Variants in PKHD1 observed in about 807,000 individuals in gnomAD.
The protein encoded by PKHD1 is PKHD1 ciliary IPT domain containing fibrocystin/polyductin.
PKHD1 carries 291 observed loss-of-function variants against 412.0 expected under a neutral mutation model. The observed-to-expected ratio is 0.71, with a 90% CI of 0.64 to 0.78. The LOEUF (loss-of-function observed/expected upper bound fraction) is 0.78. Ranked by LOEUF, PKHD1 falls within the 30% of genes least tolerant of loss-of-function variation. PKHD1 has a pLI of 0.00. For missense variants in PKHD1, 4,825 were observed against 4,950.7 expected (o/e 0.97, Z 0.76); for synonymous variants, 1,777 against 1,821.5 (o/e 0.98, Z 0.62).
intron 23 of PKHD1, among the ~76,000 whole-genome samples, chr6:52,046,650 T>C (rs1805890053): frequency 1.3e-5 from 2 of 152,254 alleles, no homozygotes; most frequent in African/African-American, 4.8e-5. Context: ...CCAGCCCAGC[T>C]GAGGAATGTT....
At chr6:52,057,617 A>G (rs1003597977) in intron 16 of PKHD1, among the ~76,000 whole-genome samples, 1 of 152,152 alleles carries the variant, frequency 6.6e-6, no homozygotes, top group African/African-American at 2.4e-5. Flanking sequence ...GGGTTTCATC[A>G]TGTTGGCCAG....
chr6:51,757,209 T>G (rs1249797333), intron 55 of PKHD1, among the ~76,000 whole-genome samples: 5 of 152,144 alleles, frequency 3.3e-5, no homozygotes, highest in African/African-American at 4.8e-5. Context: ...TGAATAAAGC[T>G]CTTCAAATAA....
intron 60 of PKHD1, among the ~76,000 whole-genome samples, chr6:51,718,339 T>C (rs1781507918): frequency 6.6e-6 from 1 of 152,210 alleles, no homozygotes; most frequent in Admixed American, 6.5e-5. Context: ...AGGGGTGGCG[T>C]TCTCCTGTGT....
intron 52 of PKHD1, among the ~76,000 whole-genome samples, chr6:51,828,357 T>C (rs998087460): frequency 1.3e-5 from 2 of 151,998 alleles, no homozygotes; most frequent in African/African-American, 2.4e-5. Context: ...AATCCACTTA[T>C]AGAGTGGTAG....
intron 52 of PKHD1, among the ~76,000 whole-genome samples, chr6:51,807,318 A>G (rs1187119177): frequency 6.6e-6 from 1 of 151,238 alleles, no homozygotes; most frequent in Non-Finnish European, 1.5e-5. Flanking sequence ...CATTCCTGTA[A>G]TCCCAGATAC....
chr6:52,025,750 T>C lies in PKHD1; in HGVS notation c.4060A>G (p.Ile1354Val), dbSNP rs1038011919. ...QGNVSLSGCS[I>V]PLHSLEAGIY... ...CCAGCCTCCAGACTGTGAAGAGGGA[T>C]GGAGCATCCAGACAGGCTCACGTTG... The change falls in exon 32 of 67, where the codon ATC (isoleucine) becomes GTC (valine). Residue 1354 changes from isoleucine to valine, a missense_variant. Transcript: ENST00000371117. 1.2e-6 allele frequency: 2 copies of C among 1,614,164 alleles called. No individual in the cohort carries two copies. Among genetic ancestry groups the C allele is most frequent in the South Asian group, 2.2e-5 (2 of 91,070 alleles).
chr6:51,627,226 G>T, intron 65 of PKHD1, 110 bp from the exon 66 acceptor site: 3 of 936,872 alleles, frequency 3.2e-6, no homozygotes, highest in Non-Finnish European at 5.2e-6. Flanking sequence ...TCATACACAT[G>T]CAACAGAAAG....
intron 5 of PKHD1, 133 bp from the exon 6 acceptor site, chr6:52,076,466 T>C (rs1033557142): frequency 4.2e-6 from 3 of 710,440 alleles, no homozygotes; most frequent in African/African-American, 3.5e-5. Flanking sequence ...CCCTCACATC[T>C]GTCTAGTTCT....
chr6:51,859,420 G>C (rs776710834), intron 48 of PKHD1, among the ~76,000 whole-genome samples: 23 of 151,324 alleles, frequency 1.5e-4, no homozygotes, highest in Non-Finnish European at 2.8e-4. Flanking sequence ...CAGCTACTCG[G>C]GAGGCTGAGG....
At chr6:51,731,359 T>C (rs10498790) in intron 60 of PKHD1, among the ~76,000 whole-genome samples, 28,709 of 152,110 alleles carry the variant, frequency 0.19, 3,048 homozygotes, top group African/African-American at 0.29. Flanking sequence ...AACACTGATA[T>C]TACTGCTTTT....
chr6:51,835,547 T>C (rs1392167711), intron 51 of PKHD1, among the ~76,000 whole-genome samples: 1 of 152,100 alleles, frequency 6.6e-6, no homozygotes, highest in Non-Finnish European at 1.5e-5. Context: ...TAAAAGGCAC[T>C]CAATAAACAA....
At chr6:51,794,596 T>C (rs1346847664) in intron 52 of PKHD1, among the ~76,000 whole-genome samples, 1 of 152,226 alleles carries the variant, frequency 6.6e-6, no homozygotes, top group Non-Finnish European at 1.5e-5. Flanking sequence ...TCTTCACCTG[T>C]GCCTTTGTCC....
intron 55 of PKHD1, among the ~76,000 whole-genome samples, chr6:51,758,868 A>T (rs1347032539): frequency 6.6e-6 from 1 of 152,194 alleles, no homozygotes. Flanking sequence ...TTGATTTAAA[A>T]GTTTTTACAA....
At chr6:52,027,755 C>T in intron 31 of PKHD1, 74 bp downstream of exon 31, 1 of 1,172,708 alleles carries the variant, frequency 8.5e-7, no homozygotes, top group Non-Finnish European at 1.3e-6. Flanking sequence ...GCAAATTAAT[C>T]CAGAAACAAA....
rs559654744 is a variant in PKHD1, at chr6:51,703,473, C to T, written c.10156+40912G>A. ...GCTCTAGTTAATGGAGAACTTCCCC[C>T]TAGCAGTCTCAAGCACTAAAATGAG... is the stretch of plus-strand genomic sequence containing the variant. On this transcript the variant is annotated intron_variant, in intron 60 of 66. Coordinates refer to ENST00000371117, the MANE Select transcript of PKHD1 (RefSeq NM_138694.4). Among the ~76,000 whole-genome samples, 148 of 151,958 alleles carry T rather than the reference C, an allele frequency of 9.7e-4. 1 individual carries two copies. Among genetic ancestry groups the T allele is most frequent in the African/African-American group, 3.4e-3 (140 of 41,494 alleles).
chr6:51,755,012 A>G (rs1786727594), intron 55 of PKHD1, 74 bp from the exon 56 acceptor site: 15 of 1,282,182 alleles, frequency 1.2e-5, no homozygotes, highest in Admixed American at 1.7e-5. Flanking sequence ...CAGAGCAAGA[A>G]AAGGAAATCC....
intron 60 of PKHD1, among the ~76,000 whole-genome samples, chr6:51,666,690 C>G (rs965981281): frequency 5.1e-5 from 6 of 118,498 alleles, no homozygotes; most frequent in Non-Finnish European, 8.4e-5. Context: ...GCTATCCCTC[C>G]CCCCTCCCCC....
At chr6:51,622,457 A>C (rs1461527060) in intron 66 of PKHD1, 1 of 152,206 alleles carries the variant, frequency 6.6e-6, no homozygotes, top group Non-Finnish European at 1.5e-5. Context: ...GATGAAAAAC[A>C]GATCAACCAA....
intron 35 of PKHD1, among the ~76,000 whole-genome samples, chr6:51,993,011 G>C (rs1442265317): frequency 6.6e-6 from 1 of 152,188 alleles, no homozygotes; most frequent in Non-Finnish European, 1.5e-5. Context: ...TATTAGCCTT[G>C]CAATTTCTTA....
Sources: gnomAD v4.1 joint callset for allele counts (sites outside exome capture counted in the v4.1 genomes callset) on GRCh38, gnomAD v4.1.1 for gene constraint, MANE v1.5 for transcripts, NCBI Gene and HGNC (gene_info 2026-07-23, HGNC 2026-07-21) for gene names.